CLCNKA: variants seen among roughly 807,000 people sequenced by gnomAD.
CLCNKA encodes chloride channel protein ClC-Ka.
A neutral mutation model predicts 83.3 loss-of-function variants in CLCNKA; 66 were observed. The ratio of observed to expected loss-of-function variants is 0.79; its 90% confidence interval spans 0.65 to 0.97. The LOEUF is 0.97. Ranked by LOEUF, CLCNKA falls within the 50% of genes least tolerant of loss-of-function variation. The pLI, the probability that CLCNKA is intolerant of heterozygous loss-of-function variation, is 0.00. For missense variants in CLCNKA, 806 were observed against 888.7 expected (o/e 0.91, Z 1.18); for synonymous variants, 357 against 370.4 (o/e 0.96, Z 0.42).
Position 16,031,715 on chromosome 1 carries a change from A to G in CLCNKA, c.1628A>G (p.His543Arg). 6.2e-7 allele frequency: 1 copy of G among 1,613,666 alleles called. No homozygotes were observed. Among genetic ancestry groups the G allele is most frequent in the Non-Finnish European group, 8.5e-7 (1 of 1,179,990 alleles). ...PRILGRNIGS[H>R]HVRVEHFMNH... ...GGGAGCCCCTCTGCCTGCAGCTCCCACCATGTGAGGGTGGAGCACTTCATG... is the reference window on the plus strand; with the variant it reads ...GGGAGCCCCTCTGCCTGCAGCTCCCGCCATGTGAGGGTGGAGCACTTCATG... The change falls in exon 16 of 20, where the codon CAC (histidine) becomes CGC (arginine). Residue 543 changes from histidine (H) to arginine (R), a missense_variant. His to Arg is a conservative substitution (Grantham distance 29). Transcript: ENST00000331433.
chr1:16,029,720 C>T lies in CLCNKA; in HGVS notation c.1228-11C>T. ...CCTCTAACCTCTGCCCTGGGCTCCCCCTTCCTGCAGTTCTGGATGCTGATT... is the reference window on the plus strand; with the variant it reads ...CCTCTAACCTCTGCCCTGGGCTCCCTCTTCCTGCAGTTCTGGATGCTGATT... On this transcript the variant is annotated splice_polypyrimidine_tract_variant and intron_variant, in intron 12 of 19. Transcript: ENST00000331433. The T allele has an allele frequency of 6.2e-7, 1 of 1,614,154 alleles. No individual in the cohort carries two copies. Among genetic ancestry groups the T allele is most frequent in the Non-Finnish European group, 8.5e-7 (1 of 1,180,034 alleles).
Position 16,026,923 on chromosome 1 carries a change from C to A in CLCNKA, c.655+148C>A, listed in dbSNP as rs536145529. On this transcript the variant is annotated intron_variant, in intron 7 of 19. Transcript: ENST00000331433. Reference sequence around the variant, plus strand: ...GCCCCGCTTTGGGTATAGCCACCCCCCGGGGGCGGCGGGGCGGGGCGGGTG... The same window carrying A: ...GCCCCGCTTTGGGTATAGCCACCCCACGGGGGCGGCGGGGCGGGGCGGGTG... 2.0e-5 allele frequency: 22 copies of A among 1,084,112 alleles called. 1 individual carries two copies. The highest frequency in any genetic ancestry group is 5.9e-4 in the Middle Eastern group (2 of 3,392). The allele number at this position is 1,084,112 out of a possible 1,614,324, so 67.2% of individuals were successfully genotyped here. A position where few individuals can be genotyped will look rare whatever the true frequency, so the allele number is the denominator to read the frequency against.
chr1:16,028,641 T>C (rs2022482686), intron 10 of CLCNKA, 120 bp from the exon 11 acceptor site: 5 of 1,267,012 alleles, frequency 3.9e-6, no homozygotes, highest in Non-Finnish European at 5.7e-6. Flanking sequence ...TCACCAGTCC[T>C]TGCCTCGGTA....
intron 12 of CLCNKA, 55 bp downstream of exon 12, chr1:16,029,354 G>A (rs1405636308): frequency 1.2e-6 from 2 of 1,612,102 alleles, no homozygotes; most frequent in Admixed American, 1.7e-5. Flanking sequence ...CTGGTGGGGA[G>A]GGGCGGGGGT....
intron 11 of CLCNKA, 117 bp from the exon 12 acceptor site, chr1:16,029,008 GC>G (rs1241903022): frequency 1.8e-5 from 28 of 1,526,292 alleles, no homozygotes; most frequent in African/African-American, 4.1e-5. Flanking sequence ...CCTGCCCAAG[GC>G]CCCCCGCTGG....
rs34398185 is a variant in CLCNKA, at chr1:16,029,382, G to A, written c.1227+83G>A. ...GCGGGGGTGCCTCCCTGCACCTGGT[G>A]GCATGGAGCCCAGGCCTCTCACCCA... is the stretch of plus-strand genomic sequence containing the variant. On this transcript the variant is annotated intron_variant, in intron 12 of 19. Transcript: ENST00000331433. 0.092 allele frequency: 146,371 copies of A among 1,591,738 alleles called. 7,371 individuals carry two copies. The highest frequency in any genetic ancestry group is 0.1 in the Non-Finnish European group (118,171 of 1,164,918).
chr1:16,022,549 C>T, intron 1 of CLCNKA, 64 bp from the exon 2 acceptor site: 2 of 1,253,436 alleles, frequency 1.6e-6, no homozygotes, highest in East Asian at 5.1e-5. Flanking sequence ...ACTGGAAGGG[C>T]CCAGAGGCAG....
At position 16,029,812 on chromosome 1, in the gene CLCNKA, G is replaced by C. The variant is rs2022543658; in HGVS notation, c.1297+12G>C. The C allele has an allele frequency of 6.2e-7, 1 of 1,614,084 alleles. No individual in the cohort carries two copies. The highest frequency in any genetic ancestry group is 2.2e-5 in the East Asian group (1 of 44,860). ...CATCTTTATCCTTGGTGAGTCTGGG[G>C]TCCTGAGGTTCTGAGAGTTTTGGGG... On this transcript the variant is annotated intron_variant, in intron 13 of 19. Transcript: ENST00000331433.
intron 5 of CLCNKA, 81 bp from the exon 6 acceptor site, chr1:16,026,455 G>T: frequency 1.3e-6 from 2 of 1,578,068 alleles, no homozygotes; most frequent in Non-Finnish European, 1.7e-6. Flanking sequence ...GATGGAGGAG[G>T]GGGTGTGGTG....
intron 10 of CLCNKA, 62 bp downstream of exon 10, chr1:16,028,181 T>C: frequency 6.7e-7 from 1 of 1,496,326 alleles, no homozygotes; most frequent in Admixed American, 1.7e-5. Context: ...CCAGACCTTA[T>C]GTAGAAAGCC....
At chr1:16,023,656 T>C (rs2022227592) in intron 2 of CLCNKA, 144 bp from the exon 3 acceptor site, 1 of 824,534 alleles carries the variant, frequency 1.2e-6, no homozygotes, top group Non-Finnish European at 2.0e-6. Flanking sequence ...TGCATTCCTC[T>C]CTGACTCAGG....
chr1:16,031,524 A>T (rs1283318636), intron 15 of CLCNKA, among the ~76,000 whole-genome samples, 186 bp from the exon 16 acceptor site: 1 of 152,166 alleles, frequency 6.6e-6, no homozygotes, highest in Admixed American at 6.5e-5. Context: ...GCCATCAGTA[A>T]TGTGGTCCCC....
At chr1:16,032,155 C>A in intron 16 of CLCNKA, 48 bp from the exon 17 acceptor site, 1 of 1,556,306 alleles carries the variant, frequency 6.4e-7, no homozygotes, top group Non-Finnish European at 8.9e-7. Context: ...GCCCTCAGGC[C>A]TGTTTCTTCA....
intron 7 of CLCNKA, 150 bp downstream of exon 7, chr1:16,026,925 GGGGGCGGCGGGGC>G (rs2022382903): frequency 2.9e-6 from 3 of 1,041,482 alleles, no homozygotes; most frequent in Non-Finnish European, 4.3e-6. Flanking sequence ...GCCACCCCCC[GGGGGCGGCGGGGC>G]GGGGCGGGTG....
chr1:16,022,789 C>G, intron 2 of CLCNKA, 70 bp downstream of exon 2: 1 of 1,126,572 alleles, frequency 8.9e-7, no homozygotes, highest in Non-Finnish European at 1.2e-6. Context: ...GGCTCCCACC[C>G]CACCTCTCTG....
rs545589692 is a variant in CLCNKA at position 16,028,856 on chromosome 1, C to G, written c.1053+11C>G. ...TTCCTAGCTTCTCGGGTAAGGGGTC[C>G]TGAGCGGGGGTGGCAGGAGTGGGAA... On this transcript the variant is annotated intron_variant, in intron 11 of 19. Transcript: ENST00000331433. 4 of 1,613,740 alleles carry G rather than the reference C, an allele frequency of 2.5e-6. No homozygotes were observed. In the African/African-American group the frequency reaches 5.3e-5, roughly 22 times the overall value.
chr1:16,030,929 C>T (rs959578932), intron 15 of CLCNKA, among the ~76,000 whole-genome samples: 6 of 152,184 alleles, frequency 3.9e-5, no homozygotes, highest in African/African-American at 1.4e-4. Context: ...ATGAGTATTG[C>T]CCCGTGTACA....
chr1:16,027,733 C>G (rs2022425629), intron 8 of CLCNKA, 88 bp from the exon 9 acceptor site: 1 of 1,391,810 alleles, frequency 7.2e-7, no homozygotes, highest in Admixed American at 2.0e-5. Context: ...GGACCTGGCA[C>G]CCCCTCCACC....
At position 16,030,566 on chromosome 1, in the gene CLCNKA, T is replaced by C. The variant is rs533704940; in HGVS notation, c.1514T>C (p.Val505Ala). ...IVHALPVLMA[V>A]LAANAIAQSC... ...CATGCACTGCCCGTGCTGATGGCGG[T>C]GCTGGCAGCCAACGCCATTGCACAG... Residue 505 changes from valine (V) to alanine (A), a missense_variant, in exon 15 of 20, where the codon GTG becomes GCG. Coordinates refer to ENST00000331433, the MANE Select transcript of CLCNKA (RefSeq NM_004070.4). 16 of 1,613,066 alleles carry C rather than the reference T, an allele frequency of 9.9e-6. No homozygotes were observed. In the East Asian group the frequency reaches 3.3e-4, roughly 34 times the overall value.
Sources: gnomAD v4.1 joint callset for allele counts (sites outside exome capture counted in the v4.1 genomes callset) on GRCh38, gnomAD v4.1.1 for gene constraint, MANE v1.5 for transcripts, NCBI Gene and HGNC (gene_info 2026-07-23, HGNC 2026-07-21) for gene names.